Variants in ARSH observed in about 807,000 individuals in gnomAD.
ARSH encodes the protein arylsulfatase family member H.
In ARSH, 32 loss-of-function variants were observed where a neutral mutation model predicts 28.7. That is an observed-to-expected ratio of 1.11 (90% CI 0.84 to 1.50). ARSH has a LOEUF of 1.50. Ranked by LOEUF, ARSH falls within the 40% of genes most tolerant of loss-of-function variation. The probability of loss-of-function intolerance (pLI) is 0.00; values close to 1 mark genes in which losing one functional copy is unlikely to be tolerated. For synonymous variants in ARSH, 176 were observed against 177.3 expected (o/e 0.99, Z 0.06); for missense variants, 440 against 452.4 (o/e 0.97, Z 0.25).
At chrX:3,010,282 G>T (rs891886398) in intron 2 of ARSH, 131 bp downstream of exon 2, 1 of 866,338 alleles carries the variant, frequency 1.2e-6, no homozygotes, top group African/African-American at 2.0e-5. Flanking sequence ...AAAGGTGGTT[G>T]TTATCCCTGG....
At chrX:3,008,471 T>A (rs1297610276) in intron 1 of ARSH, among the ~76,000 whole-genome samples, 4 of 98,519 alleles carry the variant, frequency 4.1e-5, no homozygotes, top group African/African-American at 1.5e-4. Flanking sequence ...CTTTCTTTCT[T>A]TCTTTCTTTC....
chrX:3,019,264 C>CAA (rs146298584), intron 5 of ARSH, among the ~76,000 whole-genome samples: 1 of 69,617 alleles, frequency 1.4e-5, no homozygotes. Flanking sequence ...GATTCTGTTT[C>CAA]AAAAAAAAAA....
intron 5 of ARSH, among the ~76,000 whole-genome samples, chrX:3,019,637 C>T (rs982765327): frequency 9.0e-6 from 1 of 111,052 alleles, no homozygotes; most frequent in African/African-American, 3.3e-5. Context: ...CTTCTGAAAA[C>T]GGTGCTCTGC....
intron 1 of ARSH, among the ~76,000 whole-genome samples, chrX:3,007,331 C>A (rs1438906506): frequency 9.3e-6 from 1 of 107,865 alleles, no homozygotes; most frequent in East Asian, 2.8e-4. Flanking sequence ...GTTGGACAAC[C>A]GTCACCCCCA....
Position 3,015,166 on chromosome X carries a change from T to A in ARSH, c.537T>A (p.Phe179Leu). 8.3e-7 allele frequency: 1 copy of A among 1,208,958 alleles called. No individual in the cohort carries two copies. Among genetic ancestry groups the A allele is most frequent in the Non-Finnish European group, 1.1e-6 (1 of 893,940 alleles). ...ISTVALALVP[F>L]LLLIPKFARW... is the part of the protein sequence containing the mutation. Reference sequence around the variant, plus strand: ...CGGTAGCCCTTGCCCTGGTTCCTTTTCTGCTTCTCATTCCCAAGTTCGCCC... The same window carrying A: ...CGGTAGCCCTTGCCCTGGTTCCTTTACTGCTTCTCATTCCCAAGTTCGCCC... Residue 179 changes from phenylalanine to leucine, a missense_variant, in exon 4 of 9, where the codon TTT (phenylalanine) becomes TTA (leucine). Physicochemically the swap from Phe to Leu is conservative, Grantham distance 22. Transcript: ENST00000381130.
intron 2 of ARSH, among the ~76,000 whole-genome samples, chrX:3,012,569 A>AATT (rs2089851347): frequency 5.5e-5 from 1 of 18,298 alleles, no homozygotes. Flanking sequence ...AAAAAAAAAA[A>AATT]TATATATATA....
rs983287901 is a variant in ARSH, at chrX:3,018,589, C to T, written c.820C>T (p.Leu274Phe). The T allele has an allele frequency of 1.7e-6, 2 of 1,208,927 alleles. No individual in the cohort carries two copies. Among genetic ancestry groups the T allele is most frequent in the African/African-American group, 1.8e-5 (1 of 57,055 alleles). The change falls in exon 5 of 9, where the codon CTC becomes TTC. Residue 274 changes from leucine (L) to phenylalanine (F), a missense_variant. Leu to Phe is a conservative substitution (Grantham distance 22). Transcript: ENST00000381130. ...TTCCTTCCTGCACGTACATACTCCA[C>T]TCATCTCCAAAAAGAAGTTTGTTGG... ...FFSFLHVHTP[L>F]ISKKKFVGRS... is the part of the protein sequence containing the mutation.
At position 3,033,569 on chromosome X, in the gene ARSH, C is replaced by T. The variant is rs1308348860; in HGVS notation, c.*184C>T. On this transcript the variant is annotated 3_prime_UTR_variant, in exon 9 of 9. Coordinates refer to ENST00000381130, the MANE Select transcript of ARSH (RefSeq NM_001011719.2). ...TAAAGTGGGCCCATATAACAGTGAACCTGGAGGGGAGCATTTGTTGTATAA... is the reference window on the plus strand; with the variant it reads ...TAAAGTGGGCCCATATAACAGTGAATCTGGAGGGGAGCATTTGTTGTATAA... 1.5e-5 allele frequency: 6 copies of T among 408,770 alleles called. No individual in the cohort carries two copies. The highest frequency in any genetic ancestry group is 2.5e-5 in the African/African-American group (1 of 40,147). The allele number at this position is 408,770 out of a possible 1,213,427, so 33.7% of individuals were successfully genotyped here. A position where few individuals can be genotyped will look rare whatever the true frequency, so the allele number is the denominator to read the frequency against.
At position 3,018,527 on chromosome X, in the gene ARSH, C is replaced by T. The variant is rs2147456357; in HGVS notation, c.765-7C>T. ...GAAGGTAATTTTGGTAACTTTCTAC[C>T]CCTTAGGTACAAAAGGGAACCTTTT... On this transcript the variant is annotated splice_region_variant and splice_polypyrimidine_tract_variant and intron_variant, in intron 4 of 8. Coordinates refer to ENST00000381130, the MANE Select transcript of ARSH (RefSeq NM_001011719.2). 1.7e-6 allele frequency: 2 copies of T among 1,206,076 alleles called. No individual in the cohort carries two copies. Among genetic ancestry groups the T allele is most frequent in the Non-Finnish European group, 2.2e-6 (2 of 892,641 alleles).
intron 1 of ARSH, among the ~76,000 whole-genome samples, chrX:3,008,461 CTT>C (rs1362937681): frequency 3.2e-5 from 2 of 63,330 alleles, no homozygotes; most frequent in African/African-American, 1.3e-4. Flanking sequence ...TTCTTTCTTT[CTT>C]TCTTTCTTTC....
intron 6 of ARSH, among the ~76,000 whole-genome samples, chrX:3,025,160 C>T (rs903129656): frequency 1.9e-5 from 2 of 107,744 alleles, no homozygotes; most frequent in Admixed American, 1.0e-4. Flanking sequence ...TATATAGTTA[C>T]TATATTCATT....
intron 4 of ARSH, 115 bp from the exon 5 acceptor site, chrX:3,018,419 A>G: frequency 2.7e-6 from 2 of 743,216 alleles, no homozygotes; most frequent in African/African-American, 2.1e-5. Context: ...TCTAAAGTAC[A>G]TAGAAAACCT....
intron 3 of ARSH, among the ~76,000 whole-genome samples, chrX:3,013,796 C>A: frequency 9.0e-6 from 1 of 110,845 alleles, no homozygotes. Context: ...GAGATATCCC[C>A]AGTTAAAAAA....
chrX:3,027,388 C>A lies in ARSH; in HGVS notation c.1112C>A (p.Ala371Asp). Residue 371 changes from alanine to aspartate, a missense_variant, in exon 7 of 9, where the codon GCT becomes GAT. Coordinates refer to ENST00000381130, the MANE Select transcript of ARSH (RefSeq NM_001011719.2). ...TTCCGGTGGCCGTCAGTCTTGGAGG[C>A]TGGGAGAGTGATCAATGAGCCCACC... Reference protein sequence around the residue: ...GIFRWPSVLEAGRVINEPTSL... With the variant: ...GIFRWPSVLEDGRVINEPTSL... 1.7e-6 allele frequency: 2 copies of A among 1,211,213 alleles called. No homozygotes were observed. The highest frequency in any genetic ancestry group is 2.2e-6 in the Non-Finnish European group (2 of 895,094).
At chrX:3,024,954 T>C (rs1217152789) in intron 6 of ARSH, among the ~76,000 whole-genome samples, 1 of 111,375 alleles carries the variant, frequency 9.0e-6, no homozygotes, top group Non-Finnish European at 1.9e-5. Flanking sequence ...AAAATCGTCA[T>C]CATTATAAAA....
intron 6 of ARSH, 24 bp downstream of exon 6, chrX:3,024,179 G>T: frequency 8.8e-7 from 1 of 1,131,524 alleles, no homozygotes; most frequent in South Asian, 2.2e-5. Context: ...GAGAACCAAC[G>T]CCTGTCCATT....
Position 3,010,034 on chromosome X carries a change from C to T in ARSH, c.97C>T (p.Pro33Ser), listed in dbSNP as rs2089841930. ...CCYGNNSVST[P>S]NIDRLASEGV... ...GAATTCTTCTTTGGTCTGCAGCACA[C>T]CTAATATTGACCGCCTGGCAAGTGA... The change falls in exon 2 of 9, where the codon CCT becomes TCT. Residue 33 changes from proline (P) to serine (S), a missense_variant. By Grantham distance (74) the Pro-to-Ser change is moderately conservative. Coordinates refer to ENST00000381130, the MANE Select transcript of ARSH (RefSeq NM_001011719.2). The T allele has an allele frequency of 8.3e-7, 1 of 1,211,104 alleles. No homozygotes were observed. Among genetic ancestry groups the T allele is most frequent in the East Asian group, 3.0e-5 (1 of 33,842 alleles).
chrX:3,015,744 A>G (rs1295786987), intron 4 of ARSH, among the ~76,000 whole-genome samples: 1 of 110,272 alleles, frequency 9.1e-6, no homozygotes, highest in Non-Finnish European at 1.9e-5. Flanking sequence ...AAGACTACCT[A>G]TTGGGTGCTC....
intron 2 of ARSH, among the ~76,000 whole-genome samples, chrX:3,012,599 AAT>A (rs1555914144): frequency 3.4e-5 from 1 of 29,516 alleles, no homozygotes; most frequent in Non-Finnish European, 5.3e-5. Flanking sequence ...ATATATATAT[AAT>A]ATATATATGT....
Sources: gnomAD v4.1 joint callset for allele counts (sites outside exome capture counted in the v4.1 genomes callset) on GRCh38, gnomAD v4.1.1 for gene constraint, MANE v1.5 for transcripts, NCBI Gene and HGNC (gene_info 2026-07-23, HGNC 2026-07-21) for gene names.